Variants in ZNF142 observed in about 807,000 individuals in gnomAD.
ZNF142 encodes zinc finger protein 142.
A neutral mutation model predicts 132.1 loss-of-function variants in ZNF142; 96 were observed. That is an observed-to-expected ratio of 0.73 (90% CI 0.62 to 0.86). The LOEUF (loss-of-function observed/expected upper bound fraction) is 0.86, where lower values mean the gene tolerates loss of function less well. Ranked by LOEUF, ZNF142 falls within the 40% of genes least tolerant of loss-of-function variation. The pLI, the probability that ZNF142 is intolerant of heterozygous loss-of-function variation, is 0.00. For synonymous variants in ZNF142, 842 were observed against 890.1 expected (o/e 0.95, Z 0.96); for missense variants, 2,163 against 2,336.2 (o/e 0.93, Z 1.53).
At position 218,638,144 on chromosome 2, in the gene ZNF142, G is replaced by C. The variant is rs904232729; in HGVS notation, c.*195C>G. 2 of 453,988 alleles carry C rather than the reference G, an allele frequency of 4.4e-6. No individual in the cohort carries two copies. The highest frequency in any genetic ancestry group is 7.0e-5 in the East Asian group (2 of 28,378). The allele number at this position is 453,988 out of a possible 1,614,324, so 28.1% of individuals were successfully genotyped here. A position where few individuals can be genotyped will look rare whatever the true frequency, so the allele number is the denominator to read the frequency against. On this transcript the variant is annotated 3_prime_UTR_variant, in exon 11 of 11. Transcript: ENST00000411696. ...CAATGTACAGCAATAAGAAATCAACGTTATAGTCCATGTCCCTCTTTTATA... is the reference window on the plus strand; with the variant it reads ...CAATGTACAGCAATAAGAAATCAACCTTATAGTCCATGTCCCTCTTTTATA...
chr2:218,637,831 G>A lies in ZNF142; in HGVS notation c.*508C>T, dbSNP rs1322742094. ...TGGAAGGGACAAAAGGGAGGCAGAG[G>A]TCTGAGAGGGGACAGAGTTGATCAA... is the stretch of plus-strand genomic sequence containing the variant. On this transcript the variant is annotated 3_prime_UTR_variant, in exon 11 of 11. Transcript: ENST00000411696. The A allele has an allele frequency of 6.6e-6, 1 of 152,520 alleles. No homozygotes were observed. The highest frequency in any genetic ancestry group is 6.5e-5 in the Admixed American group (1 of 15,292). The allele number at this position is 152,520 out of a possible 1,614,324, so 9.4% of individuals were successfully genotyped here. A position where few individuals can be genotyped will look rare whatever the true frequency, so the allele number is the denominator to read the frequency against.
chr2:218,642,322 G>C lies in ZNF142; in HGVS notation c.4794C>G (p.His1598Gln). 1.9e-6 allele frequency: 3 copies of C among 1,613,952 alleles called. No individual in the cohort carries two copies. The highest frequency in any genetic ancestry group is 2.5e-6 in the Non-Finnish European group (3 of 1,180,052). ...AARERVGLVK[H>Q]YLEQHEETSA... The stretch of plus-strand genomic sequence containing the variant: ...AAGTCTCCTCATGCTGTTCCAGGTA[G>C]TGCTTTACCAGGCCCACCCGCTCCC... Residue 1598 changes from histidine to glutamine, a missense_variant, in exon 9 of 11, where the codon CAC becomes CAG. Transcript: ENST00000411696. This position sits in a 1 kb window ranked among gnomAD's most constrained non-coding sequence, Gnocchi z 4.6.
rs753784525 is a variant in ZNF142, at chr2:218,644,579, G to C, written c.2537C>G (p.Thr846Ser). 2 of 1,614,054 alleles carry C rather than the reference G, an allele frequency of 1.2e-6. No individual in the cohort carries two copies. Among genetic ancestry groups the C allele is most frequent in the African/African-American group, 1.3e-5 (1 of 74,944 alleles). The change falls in exon 9 of 11, where the codon ACT (threonine) becomes AGT (serine). Residue 846 changes from threonine to serine, a missense_variant. By Grantham distance (58) the Thr-to-Ser change is moderately conservative. Coordinates refer to ENST00000411696, the MANE Select transcript of ZNF142 (RefSeq NM_001379659.1). This position sits in a 1 kb window ranked among gnomAD's most constrained non-coding sequence, Gnocchi z 4.6. ...RPEGPGHEPG[T>S]VVDPSLDQAL... ...CTGGTCCAAGCTGGGGTCCACCACA[G>C]TCCCAGGTTCGTGACCTGGCCCCTC...
At chr2:218,654,783 T>A (rs58991146) in intron 4 of ZNF142, among the ~76,000 whole-genome samples, 4 of 148,126 alleles carry the variant, frequency 2.7e-5, no homozygotes, top group Non-Finnish European at 3.0e-5. Flanking sequence ...TTTTCCCATT[T>A]AAAAAAAAAA....
chr2:218,645,736 A>C (rs1006004039), intron 8 of ZNF142, among the ~76,000 whole-genome samples: 5 of 152,194 alleles, frequency 3.3e-5, no homozygotes, highest in Non-Finnish European at 4.4e-5. Flanking sequence ...GGAACAGAGA[A>C]GGGTGTTAGG....
intron 8 of ZNF142, among the ~76,000 whole-genome samples, chr2:218,645,776 T>G (rs563044245): frequency 1.3e-5 from 2 of 152,292 alleles, no homozygotes; most frequent in East Asian, 3.9e-4. Context: ...TTCCTTTTCT[T>G]TTTTGAAACA....
chr2:218,653,945 T>C (rs1490065941), intron 4 of ZNF142, among the ~76,000 whole-genome samples: 4 of 152,210 alleles, frequency 2.6e-5, no homozygotes, highest in Non-Finnish European at 4.4e-5. Flanking sequence ...CTTGACCTGC[T>C]GGGCTCAAGT....
intron 8 of ZNF142, 63 bp downstream of exon 8, chr2:218,646,108 G>T: frequency 6.4e-7 from 1 of 1,573,102 alleles, no homozygotes; most frequent in Non-Finnish European, 8.7e-7. Context: ...AGTTAGATCC[G>T]AGAGGAAGCT....
Position 218,642,419 on chromosome 2 carries a change from C to G in ZNF142, c.4697G>C (p.Arg1566Pro). 1 of 1,612,974 alleles carries G rather than the reference C, an allele frequency of 6.2e-7. No homozygotes were observed. Among genetic ancestry groups the G allele is most frequent in the Non-Finnish European group, 8.5e-7 (1 of 1,179,972 alleles). Residue 1566 changes from arginine (R) to proline (P), a missense_variant, in exon 9 of 11, where the codon CGA becomes CCA. Physicochemically the swap from Arg to Pro is moderately radical, Grantham distance 103. Transcript: ENST00000411696. This position sits in a 1 kb window ranked among gnomAD's most constrained non-coding sequence, Gnocchi z 4.6. The part of the protein sequence containing the change: ...CGACQEAFPS[R>P]LALDEHRRQQ... ...CCTCCGGTGCTCATCCAGAGCCAGTCGGCTAGGGAAGGCCTCCTGGCAGGC... is the reference window on the plus strand; with the variant it reads ...CCTCCGGTGCTCATCCAGAGCCAGTGGGCTAGGGAAGGCCTCCTGGCAGGC...
intron 4 of ZNF142, among the ~76,000 whole-genome samples, chr2:218,654,775 T>C (rs1938331537): frequency 8.1e-6 from 1 of 122,854 alleles, no homozygotes; most frequent in East Asian, 3.4e-4. Context: ...AGATTTCTTT[T>C]TCCCATTTAA....
intron 3 of ZNF142, among the ~76,000 whole-genome samples, chr2:218,656,817 C>CTTTT (rs34530017): frequency 8.4e-6 from 1 of 119,450 alleles, no homozygotes; most frequent in Non-Finnish European, 1.7e-5. Context: ...CTCAGAAGTC[C>CTTTT]TTTTTTTTTT....
chr2:218,636,256 C>A lies in ZNF142; in HGVS notation c.*2083G>T. The A allele has an allele frequency of 4.3e-6, 7 of 1,613,984 alleles. No individual in the cohort carries two copies. Among genetic ancestry groups the A allele is most frequent in the Non-Finnish European group, 5.9e-6 (7 of 1,179,868 alleles). The stretch of plus-strand genomic sequence containing the variant: ...CCACCAACTCAGGTTTTAATCCATA[C>A]TGGGGGCAGACACTATGTTTCCGGG... On this transcript the variant is annotated 3_prime_UTR_variant, in exon 11 of 11. Transcript: ENST00000411696.
chr2:218,656,377 T>C lies in ZNF142; in HGVS notation c.53A>G (p.Asp18Gly). 2 of 1,489,110 alleles carry C rather than the reference T, an allele frequency of 1.3e-6. No individual in the cohort carries two copies. Among genetic ancestry groups the C allele is most frequent in the Non-Finnish European group, 1.8e-6 (2 of 1,107,192 alleles). 92.2% of individuals were successfully genotyped at this position (1,489,110 alleles called of 1,614,324 possible). The change falls in exon 4 of 11, where the codon GAT becomes GGT. Residue 18 changes from aspartate (D) to glycine (G), a missense_variant. Asp to Gly is a moderately conservative substitution (Grantham distance 94). This residue lies in a region of ZNF142 where 195 missense variants were observed against 172.4 expected (regional missense o/e 1.13). Transcript: ENST00000411696. ...SQPASSTGEM[D>G]GLCPELLLIP... ...CAGCAATAGCTCAGGGCACAGTCCA[T>C]CCATCTCCCCGGTGCTACTGGCTGG...
intron 4 of ZNF142, among the ~76,000 whole-genome samples, chr2:218,653,777 T>C (rs1938234682): frequency 6.6e-6 from 1 of 152,180 alleles, no homozygotes; most frequent in African/African-American, 2.4e-5. Context: ...TTCATGTTTT[T>C]TCCAGAGCAT....
chr2:218,641,307 C>T (rs1479324966), intron 9 of ZNF142, among the ~76,000 whole-genome samples: 13 of 143,086 alleles, frequency 9.1e-5, no homozygotes, highest in African/African-American at 1.6e-4. Flanking sequence ...AGTGCAGTGG[C>T]GCGATCTCGG....
At position 218,633,712 on chromosome 2, in the gene ZNF142, G is replaced by A. The variant is rs1448414828; in HGVS notation, c.*4627C>T. 2 of 1,613,952 alleles carry A rather than the reference G, an allele frequency of 1.2e-6. No individual in the cohort carries two copies. The highest frequency in any genetic ancestry group is 2.2e-5 in the East Asian group (1 of 44,886). ...CAAAGGAGCACTACCACTTCTACGAGATATCATCTTTCTCTGAAACCAAGG... is the reference window on the plus strand; with the variant it reads ...CAAAGGAGCACTACCACTTCTACGAAATATCATCTTTCTCTGAAACCAAGG... On this transcript the variant is annotated 3_prime_UTR_variant, in exon 11 of 11. Coordinates refer to ENST00000411696, the MANE Select transcript of ZNF142 (RefSeq NM_001379659.1).
intron 9 of ZNF142, among the ~76,000 whole-genome samples, chr2:218,641,435 G>A (rs1055964509): frequency 8.0e-5 from 12 of 150,622 alleles, no homozygotes; most frequent in East Asian, 7.9e-4. Context: ...TAGTAGAGAC[G>A]GGGTTTCACA....
chr2:218,649,112 G>T lies in ZNF142; in HGVS notation c.1396C>A (p.Gln466Lys). ...PVCREEFRLS[Q>K]ALKEHLKSHT... ...CTCTTGAGGTGCTCCTTTAGGGCCT[G>T]GCTGAGGCGGAATTCCTCACGGCAG... Residue 466 changes from glutamine (Q) to lysine (K), a missense_variant, in exon 7 of 11, where the codon CAG (glutamine) becomes AAG (lysine). Coordinates refer to ENST00000411696, the MANE Select transcript of ZNF142 (RefSeq NM_001379659.1). 6.2e-7 allele frequency: 1 copy of T among 1,614,112 alleles called. No individual in the cohort carries two copies. Among genetic ancestry groups the T allele is most frequent in the Non-Finnish European group, 8.5e-7 (1 of 1,180,046 alleles).
chr2:218,654,536 T>C (rs1938309617), intron 4 of ZNF142, among the ~76,000 whole-genome samples: 1 of 152,042 alleles, frequency 6.6e-6, no homozygotes, highest in Non-Finnish European at 1.5e-5. Flanking sequence ...CAGCTGATTT[T>C]TTGTATCTTA....
Sources: gnomAD v4.1 joint callset for allele counts (sites outside exome capture counted in the v4.1 genomes callset) on GRCh38, gnomAD v4.1.1 for gene constraint, gnomAD v4.1.1 regional missense constraint, Gnocchi (gnomAD v3.1) non-coding constraint, MANE v1.5 for transcripts, NCBI Gene and HGNC (gene_info 2026-07-23, HGNC 2026-07-21) for gene names.